The following PARP1 variants were observed in gnomAD, a reference collection of about 807,000 sequenced individuals.
PARP1 encodes poly [ADP-ribose] polymerase 1.
PARP1 carries 44 observed loss-of-function variants against 118.7 expected under a neutral mutation model. The ratio of observed to expected loss-of-function variants is 0.37; its 90% confidence interval spans 0.29 to 0.48. PARP1 has a LOEUF of 0.48. Ranked by LOEUF, PARP1 falls within the 20% of genes least tolerant of loss-of-function variation. The pLI is 0.99. For synonymous variants in PARP1, 492 were observed against 483.2 expected, an observed-to-expected ratio of 1.02 and a Z score of -0.24; for missense variants, 1,100 against 1,272.4, an observed-to-expected ratio of 0.86 and a Z score of 2.06.
chr1:226,402,693 C>G (rs1665061599), intron 1 of PARP1, among the ~76,000 whole-genome samples: 1 of 152,242 alleles, frequency 6.6e-6, no homozygotes, highest in Non-Finnish European at 1.5e-5. Context: ...TCCCTTTTGA[C>G]CACACACTGC....
rs979769613 is a variant in PARP1, at chr1:226,365,145, T to C, written c.2515A>G (p.Ile839Val). The C allele has an allele frequency of 1.2e-6, 2 of 1,614,056 alleles. No homozygotes were observed. The highest frequency in any genetic ancestry group is 1.7e-6 in the Non-Finnish European group (2 of 1,180,052). The change falls in exon 19 of 23, where the codon ATA becomes GTA. Residue 839 changes from isoleucine to valine, a missense_variant. Transcript: ENST00000366794. ...CGCTGGCATTCGCCTTCACGCTCTA[T>C]CTTAAAGATCTGGTTGGAGTAGTAA... ...YDLEVIDIFK[I>V]EREGECQRYK...
chr1:226,379,053 A>G, intron 12 of PARP1, 89 bp downstream of exon 12: 1 of 1,510,998 alleles, frequency 6.6e-7, no homozygotes, highest in Non-Finnish European at 9.2e-7. Flanking sequence ...ACTGGGCCTA[A>G]CGGGTTTCAC....
At chr1:226,373,241 G>A (rs1183271289) in intron 14 of PARP1, among the ~76,000 whole-genome samples, 1 of 152,210 alleles carries the variant, frequency 6.6e-6, no homozygotes, top group East Asian at 1.9e-4. Flanking sequence ...CGTGAAGGGA[G>A]CAACCCCATG....
At chr1:226,385,388 A>C (rs1378809801) in intron 7 of PARP1, 116 bp downstream of exon 7, 1 of 842,554 alleles carries the variant, frequency 1.2e-6, no homozygotes, top group East Asian at 2.5e-5. Context: ...ACGCAGCTGT[A>C]AAGAAGTCTG....
intron 14 of PARP1, 82 bp from the exon 15 acceptor site, chr1:226,370,599 TCAGGCCCCCAA>T: frequency 9.0e-7 from 1 of 1,106,904 alleles, no homozygotes; most frequent in Non-Finnish European, 1.4e-6. Context: ...CAGCCCACCC[TCAGGCCCCCAA>T]CAGGAGCAGT....
chr1:226,401,578 G>A (rs1665037875), intron 2 of PARP1, among the ~76,000 whole-genome samples: 1 of 152,224 alleles, frequency 6.6e-6, no homozygotes, highest in Non-Finnish European at 1.5e-5. Flanking sequence ...TTTATGGAAA[G>A]CTGCTTCGTC....
intron 14 of PARP1, among the ~76,000 whole-genome samples, chr1:226,372,575 T>C (rs1209365525): frequency 1.3e-5 from 2 of 152,174 alleles, no homozygotes; most frequent in East Asian, 3.9e-4. Context: ...CTCGGGAGGC[T>C]GAGGCAGGAG....
chr1:226,379,329 C>T, intron 11 of PARP1, 55 bp from the exon 12 acceptor site: 3 of 1,609,754 alleles, frequency 1.9e-6, no homozygotes, highest in Non-Finnish European at 2.6e-6. Flanking sequence ...TGCTAGCACT[C>T]TCACGGAGAA....
At position 226,379,236 on chromosome 1, in the gene PARP1, T is replaced by C. The variant is rs1323054532; in HGVS notation, c.1651A>G (p.Lys551Glu). The change falls in exon 12 of 23, where the codon AAG becomes GAG. Residue 551 changes from lysine (K) to glutamate (E), a missense_variant. By Grantham distance (56) the Lys-to-Glu change is moderately conservative (BLOSUM62 1). Transcript: ENST00000366794. ...AGGCCAAGGGTGGCACTGAAGACCT[T>C]CCCACCTTTCTCCAGGACATGCGCA... The part of the protein sequence containing the change: ...HSAHVLEKGG[K>E]VFSATLGLVD... 2.5e-6 allele frequency: 4 copies of C among 1,614,098 alleles called. No individual in the cohort carries two copies. The highest frequency in any genetic ancestry group is 1.6e-4 in the Middle Eastern group (1 of 6,084).
rs149958872 is a variant in PARP1, at chr1:226,361,372, C to T, written c.*88G>A. 666 of 825,390 alleles carry T rather than the reference C, an allele frequency of 8.1e-4. 3 individuals are homozygous for T. In the African/African-American group the frequency reaches 0.01, roughly 13 times the overall value. 51.1% of individuals were successfully genotyped at this position (825,390 alleles called of 1,614,324 possible). A position where few individuals can be genotyped will look rare whatever the true frequency, so the allele number is the denominator to read the frequency against. ...GTTTAGTACAGGTACTACCCATCAG[C>T]AACTTAGCGGCCAGGTGAGTTGGTG... is the stretch of plus-strand genomic sequence containing the variant. On this transcript the variant is annotated 3_prime_UTR_variant, in exon 23 of 23. Coordinates refer to ENST00000366794, the MANE Select transcript of PARP1 (RefSeq NM_001618.4).
intron 19 of PARP1, 36 bp from the exon 20 acceptor site, chr1:226,364,106 T>C (rs1664205195): frequency 6.2e-7 from 1 of 1,611,398 alleles, no homozygotes; most frequent in South Asian, 1.1e-5. Flanking sequence ...GAGAATCTTC[T>C]GATGGGAAAT....
chr1:226,388,950 A>C (rs936148750), intron 4 of PARP1, among the ~76,000 whole-genome samples, 195 bp from the exon 5 acceptor site: 44 of 152,246 alleles, frequency 2.9e-4, no homozygotes, highest in African/African-American at 1.0e-3. Context: ...CTTGCAGCCA[A>C]GATGGCAGAA....
chr1:226,367,642 A>T (rs1318055483), intron 16 of PARP1, 34 bp from the exon 17 acceptor site: 1 of 1,612,946 alleles, frequency 6.2e-7, no homozygotes, highest in East Asian at 2.2e-5. Context: ...CGACTTAGGT[A>T]TCATGGTGAA....
At chr1:226,374,440 A>C in intron 13 of PARP1, 86 bp from the exon 14 acceptor site, 2 of 1,527,658 alleles carry the variant, frequency 1.3e-6, no homozygotes, top group South Asian at 2.3e-5. Context: ...CTGCAGACAA[A>C]GGACACAGGC....
chr1:226,364,082 G>C lies in PARP1; in HGVS notation c.2659-12C>G. ...AACATGTAGCCTGTCTGGAAGGTCG[G>C]AAAAGGGAGAGCTGAGAATCTTCTG... On this transcript the variant is annotated splice_polypyrimidine_tract_variant and intron_variant, in intron 19 of 22. Transcript: ENST00000366794. 1 of 1,613,678 alleles carries C rather than the reference G, an allele frequency of 6.2e-7. No homozygotes were observed. The highest frequency in any genetic ancestry group is 8.5e-7 in the Non-Finnish European group (1 of 1,179,652).
chr1:226,405,436 TG>T (rs1425660911), intron 1 of PARP1, among the ~76,000 whole-genome samples: 1 of 152,050 alleles, frequency 6.6e-6, no homozygotes, highest in Non-Finnish European at 1.5e-5. Flanking sequence ...CCGGAGTAGC[TG>T]GGACTTAACA....
intron 2 of PARP1, among the ~76,000 whole-genome samples, chr1:226,397,840 A>G (rs1664954503): frequency 6.6e-6 from 1 of 152,136 alleles, no homozygotes; most frequent in African/African-American, 2.4e-5. Flanking sequence ...CAGAACAGGG[A>G]GCCCAGAAAC....
At chr1:226,362,271 C>T (rs748490125) in intron 21 of PARP1, 188 bp from the exon 22 acceptor site, 13 of 553,070 alleles carry the variant, frequency 2.4e-5, no homozygotes, top group South Asian at 6.1e-5. Flanking sequence ...GTGCAACCTC[C>T]GCCTCCCGGA....
At chr1:226,402,513 T>C in intron 1 of PARP1, 134 bp from the exon 2 acceptor site, 2 of 838,838 alleles carry the variant, frequency 2.4e-6, no homozygotes, top group East Asian at 2.6e-5. Flanking sequence ...TGTTCTCCTA[T>C]CTGTGAAAGG....
Sources: allele counts gnomAD v4.1 joint callset (sites outside exome capture counted in the v4.1 genomes callset), GRCh38; gene constraint gnomAD v4.1.1; transcripts MANE v1.5; gene names NCBI Gene and HGNC (gene_info 2026-07-23, HGNC 2026-07-21).